PRKN: variants seen among roughly 807,000 people sequenced by gnomAD.
PRKN encodes E3 ubiquitin-protein ligase parkin.
PRKN carries 56 observed loss-of-function variants against 59.5 expected under a neutral mutation model. That is an observed-to-expected ratio of 0.94 (90% CI 0.76 to 1.18). The LOEUF (loss-of-function observed/expected upper bound fraction) is 1.18, where lower values mean the gene tolerates loss of function less well. PRKN is among the 50% of genes most tolerant of loss of function. The pLI is 0.00. For synonymous variants in PRKN, 250 were observed against 222.1 expected, an observed-to-expected ratio of 1.13 and a Z score of -1.12; for missense variants, 657 against 596.4, an observed-to-expected ratio of 1.10 and a Z score of -1.06.
intron 7 of PRKN, among the ~76,000 whole-genome samples, chr6:161,684,675 T>C (rs964866101): frequency 1.3e-5 from 2 of 152,062 alleles, no homozygotes; most frequent in Non-Finnish European, 2.9e-5. Context: ...TAAATATCTA[T>C]AGTTTTAAAG....
chr6:161,977,631 C>A (rs909431679), intron 5 of PRKN, among the ~76,000 whole-genome samples: 2 of 150,092 alleles, frequency 1.3e-5, no homozygotes, highest in African/African-American at 4.9e-5. Flanking sequence ...ATTGCAAGCT[C>A]CACCTCCCGG....
chr6:161,601,685 C>T (rs1212565409), intron 7 of PRKN, among the ~76,000 whole-genome samples: 2 of 151,714 alleles, frequency 1.3e-5, no homozygotes, highest in Non-Finnish European at 2.9e-5. Flanking sequence ...CAGGTTCACG[C>T]CATTCTCCTG....
intron 5 of PRKN, among the ~76,000 whole-genome samples, chr6:162,047,973 G>GTTACATTATTTA (rs1777449909): frequency 2.0e-5 from 3 of 152,212 alleles, no homozygotes; most frequent in South Asian, 4.2e-4. Context: ...GAGTTTAATA[G>GTTACATTATTTA]TTACATTATT....
intron 6 of PRKN, among the ~76,000 whole-genome samples, chr6:161,883,953 T>C (rs1795040123): frequency 6.6e-6 from 1 of 152,132 alleles, no homozygotes; most frequent in Non-Finnish European, 1.5e-5. Context: ...GCGCCCAGCC[T>C]AAAATGATTT....
intron 6 of PRKN, among the ~76,000 whole-genome samples, chr6:161,944,265 A>C (rs1184947859): frequency 1.3e-5 from 2 of 152,152 alleles, no homozygotes; most frequent in Admixed American, 6.5e-5. Flanking sequence ...TGTCCCTGAA[A>C]CTCTGCAATG....
chr6:162,693,597 C>T (rs1270826726), intron 1 of PRKN, among the ~76,000 whole-genome samples: 1 of 152,082 alleles, frequency 6.6e-6, no homozygotes, highest in African/African-American at 2.4e-5. Context: ...AATTATCCAG[C>T]CATTAAATTT....
chr6:162,613,541 C>T (rs1184898362), intron 1 of PRKN, among the ~76,000 whole-genome samples: 1 of 152,148 alleles, frequency 6.6e-6, no homozygotes, highest in African/African-American at 2.4e-5. Flanking sequence ...AGAGTATAAC[C>T]AAGACAGCTG....
intron 1 of PRKN, among the ~76,000 whole-genome samples, chr6:162,638,169 T>G (rs1463484546): frequency 2.4e-5 from 3 of 126,016 alleles, no homozygotes; most frequent in African/African-American, 1.0e-4. Flanking sequence ...ATTATTTCTT[T>G]TTCTCCACAC....
chr6:162,492,919 C>G (rs368863004), intron 1 of PRKN, among the ~76,000 whole-genome samples: 2 of 147,590 alleles, frequency 1.4e-5, no homozygotes, highest in Admixed American at 1.4e-4. Flanking sequence ...CGCCACTGCA[C>G]TCCAGCCTGG....
intron 6 of PRKN, among the ~76,000 whole-genome samples, chr6:161,948,161 T>G (rs1260750844): frequency 6.6e-6 from 1 of 152,036 alleles, no homozygotes; most frequent in African/African-American, 2.4e-5. Flanking sequence ...AATTTCTGTA[T>G]TTTTTAGTAG....
At chr6:161,808,241 T>C (rs760546386) in intron 6 of PRKN, among the ~76,000 whole-genome samples, 3 of 152,106 alleles carry the variant, frequency 2.0e-5, no homozygotes, top group African/African-American at 7.2e-5. Flanking sequence ...AATATTTAAA[T>C]TTTCAATTTA....
chr6:161,639,177 A>G (rs1783645085), intron 7 of PRKN, among the ~76,000 whole-genome samples: 1 of 152,130 alleles, frequency 6.6e-6, no homozygotes, highest in South Asian at 2.1e-4. Flanking sequence ...CTTTGAGTCA[A>G]TTAAAGCTCT....
At position 161,968,650 on chromosome 6, in the gene PRKN, A is replaced by T. The variant is rs140627147; in HGVS notation, c.734+4652T>A. Among the ~76,000 whole-genome samples the T allele has an allele frequency of 4.2e-3, 645 of 152,314 alleles. 3 individuals carry two copies. Among genetic ancestry groups the T allele is most frequent in the African/African-American group, 0.015 (611 of 41,566 alleles). ...TTAATTATGTCTAATTTGATTAATG[A>T]TGTATGATTAATACATATATATACA... is the stretch of plus-strand genomic sequence containing the variant. On this transcript the variant is annotated intron_variant, in intron 6 of 11. Transcript: ENST00000366898.
chr6:161,520,936 G>T (rs1778796824), intron 9 of PRKN, among the ~76,000 whole-genome samples: 2 of 152,160 alleles, frequency 1.3e-5, no homozygotes. Flanking sequence ...TGAAATCAGG[G>T]TTCAGTTAGA....
intron 2 of PRKN, among the ~76,000 whole-genome samples, chr6:162,365,499 T>TA (rs1448655866): frequency 3.9e-5 from 6 of 152,176 alleles, no homozygotes; most frequent in South Asian, 2.1e-4. Flanking sequence ...CGTGGACTCT[T>TA]ACGTGATTTA....
At chr6:161,517,378 A>T (rs1216997299) in intron 9 of PRKN, among the ~76,000 whole-genome samples, 1 of 152,120 alleles carries the variant, frequency 6.6e-6, no homozygotes. Context: ...AAAACCACTG[A>T]ATCTGTTGGT....
At chr6:161,794,751 A>G (rs1790770801) in intron 6 of PRKN, among the ~76,000 whole-genome samples, 1 of 152,084 alleles carries the variant, frequency 6.6e-6, no homozygotes, top group South Asian at 2.1e-4. Context: ...TATTCCCCCC[A>G]AAACTACAAG....
intron 5 of PRKN, among the ~76,000 whole-genome samples, chr6:161,975,814 G>A (rs567196719): frequency 1.6e-4 from 25 of 152,296 alleles, no homozygotes; most frequent in African/African-American, 4.6e-4. Flanking sequence ...TTACTCTCTC[G>A]CAAGACCGCT....
At chr6:162,212,717 A>G (rs760511726) in intron 3 of PRKN, among the ~76,000 whole-genome samples, 1 of 152,200 alleles carries the variant, frequency 6.6e-6, no homozygotes, top group African/African-American at 2.4e-5. Context: ...CAAACATCAG[A>G]GTGTACTTAC....
Sources: allele counts gnomAD v4.1 joint callset (sites outside exome capture counted in the v4.1 genomes callset), GRCh38; gene constraint gnomAD v4.1.1; transcripts MANE v1.5; gene names NCBI Gene and HGNC (gene_info 2026-07-23, HGNC 2026-07-21).